Variants in DPH5 observed in about 807,000 individuals in gnomAD.
DPH5 encodes the protein diphthamide biosynthesis 5.
DPH5 carries 31 observed loss-of-function variants against 31.6 expected under a neutral mutation model. The observed-to-expected ratio is 0.98, with a 90% CI of 0.74 to 1.32. The LOEUF is 1.32. Ranked by LOEUF, DPH5 falls within the 40% of genes most tolerant of loss-of-function variation. The pLI is 0.00. For missense variants in DPH5, 309 were observed against 335.7 expected (o/e 0.92, Z 0.62); for synonymous variants, 120 against 115.0 (o/e 1.04, Z -0.28).
At chr1:101,005,256 A>G (rs1659149229) in intron 4 of DPH5, among the ~76,000 whole-genome samples, 1 of 152,250 alleles carries the variant, frequency 6.6e-6, no homozygotes, top group Non-Finnish European at 1.5e-5. Context: ...TAAGAACTCT[A>G]TTAAGCCCTG....
intron 4 of DPH5, among the ~76,000 whole-genome samples, chr1:101,009,792 A>C (rs1356361386): frequency 6.6e-6 from 1 of 152,052 alleles, no homozygotes; most frequent in East Asian, 1.9e-4. Flanking sequence ...ATGAGAGCCT[A>C]GTGATACAGC....
chr1:100,993,559 A>AATATAAATAT (rs1553247258), intron 6 of DPH5, among the ~76,000 whole-genome samples: 3 of 56,546 alleles, frequency 5.3e-5, no homozygotes, highest in Non-Finnish European at 6.9e-5. Context: ...CGAAAATATA[A>AATATAAATAT]ATATATATAT....
At chr1:101,011,899 T>TA (rs1048598794) in intron 4 of DPH5, among the ~76,000 whole-genome samples, 2 of 146,870 alleles carry the variant, frequency 1.4e-5, no homozygotes, top group African/African-American at 5.0e-5. Flanking sequence ...TCAATTCTTT[T>TA]TTTTTTTTTT....
intron 7 of DPH5, 34 bp from the exon 8 acceptor site, chr1:100,990,665 A>C: frequency 1.3e-6 from 2 of 1,591,602 alleles, no homozygotes; most frequent in South Asian, 1.1e-5. Context: ...TATTCAATTC[A>C]GCAAATGCAT....
intron 5 of DPH5, among the ~76,000 whole-genome samples, chr1:100,996,773 C>T (rs1274198291): frequency 6.6e-6 from 1 of 152,176 alleles, no homozygotes; most frequent in Non-Finnish European, 1.5e-5. Flanking sequence ...TTTTATTAAC[C>T]TCTAATTATA....
chr1:100,990,171 T>G lies in DPH5; in HGVS notation c.*237A>C. ...GCACCTCTTCACAGGGCGGCAAGAGTGAGAATGAGAGCCAGTAGGGGAAAT... is the reference window on the plus strand; with the variant it reads ...GCACCTCTTCACAGGGCGGCAAGAGGGAGAATGAGAGCCAGTAGGGGAAAT... On this transcript the variant is annotated 3_prime_UTR_variant, in exon 8 of 8. Coordinates refer to ENST00000370109, the MANE Select transcript of DPH5 (RefSeq NM_015958.3). The G allele has an allele frequency of 2.0e-6, 1 of 497,382 alleles. No homozygotes were observed. Among genetic ancestry groups the G allele is most frequent in the Non-Finnish European group, 3.6e-6 (1 of 277,774 alleles). The allele number at this position is 497,382 out of a possible 1,614,324, so 30.8% of individuals were successfully genotyped here.
chr1:100,990,159 G>A lies in DPH5; in HGVS notation c.*249C>T. The A allele has an allele frequency of 4.2e-6, 2 of 480,648 alleles. No homozygotes were observed. Among genetic ancestry groups the A allele is most frequent in the Non-Finnish European group, 7.5e-6 (2 of 266,384 alleles). 29.8% of individuals were successfully genotyped at this position (480,648 alleles called of 1,614,324 possible). ...TCACGGTGGAAGGCACCTCTTCACA[G>A]GGCGGCAAGAGTGAGAATGAGAGCC... is the stretch of plus-strand genomic sequence containing the variant. On this transcript the variant is annotated 3_prime_UTR_variant, in exon 8 of 8. Transcript: ENST00000370109.
chr1:101,021,629 G>A lies in DPH5; in HGVS notation c.260+12C>T. The stretch of plus-strand genomic sequence containing the variant: ...AATGAGTTAAAAACTCAAAATATCT[G>A]CCTTGACTTACCCAAATGGATCACC... On this transcript the variant is annotated intron_variant, in intron 3 of 7. Transcript: ENST00000370109. The A allele has an allele frequency of 6.2e-7, 1 of 1,607,470 alleles. No homozygotes were observed. Among genetic ancestry groups the A allele is most frequent in the African/African-American group, 1.3e-5 (1 of 74,668 alleles).
chr1:101,012,740 T>G (rs967051841), intron 4 of DPH5, among the ~76,000 whole-genome samples: 160 of 152,290 alleles, frequency 1.1e-3, no homozygotes, highest in African/African-American at 3.7e-3. Context: ...GTGAATACTG[T>G]CAGGTCAGGT....
chr1:101,012,363 G>T (rs1570690350), intron 4 of DPH5, among the ~76,000 whole-genome samples: 1 of 152,188 alleles, frequency 6.6e-6, no homozygotes, highest in Non-Finnish European at 1.5e-5. Flanking sequence ...GGATGAGGAA[G>T]GGGCTTTACT....
intron 5 of DPH5, among the ~76,000 whole-genome samples, chr1:101,000,395 G>A (rs1339610490): frequency 2.6e-5 from 4 of 152,118 alleles, no homozygotes; most frequent in Non-Finnish European, 5.9e-5. Flanking sequence ...GTAAGAATAT[G>A]TACAAAATTT....
chr1:100,992,826 T>G, intron 6 of DPH5, 86 bp from the exon 7 acceptor site: 1 of 849,230 alleles, frequency 1.2e-6, no homozygotes, highest in South Asian at 1.6e-5. Context: ...CCAGGTATAC[T>G]CAAGTACCAC....
At chr1:101,010,660 A>T (rs1659557926) in intron 4 of DPH5, among the ~76,000 whole-genome samples, 1 of 152,166 alleles carries the variant, frequency 6.6e-6, no homozygotes, top group Non-Finnish European at 1.5e-5. Context: ...TTTTGAACTC[A>T]TGGAAAGCTC....
intron 3 of DPH5, among the ~76,000 whole-genome samples, chr1:101,019,456 T>C (rs1570705591): frequency 6.6e-6 from 1 of 152,196 alleles, no homozygotes; most frequent in East Asian, 1.9e-4. Context: ...CATGTGTCAT[T>C]TTACCATTTT....
intron 7 of DPH5, 62 bp downstream of exon 7, chr1:100,992,575 T>C (rs1256096484): frequency 2.5e-6 from 3 of 1,187,688 alleles, no homozygotes; most frequent in Non-Finnish European, 3.8e-6. Flanking sequence ...TATTAAGTCA[T>C]ATACACATCT....
Position 101,025,773 on chromosome 1 carries a change from T to C in DPH5, c.-114A>G, listed in dbSNP as rs1224460584. The C allele has an allele frequency of 3.7e-6, 1 of 272,170 alleles. No homozygotes were observed. Among genetic ancestry groups the C allele is most frequent in the Non-Finnish European group, 7.1e-6 (1 of 141,522 alleles). The allele number at this position is 272,170 out of a possible 1,614,324, so 16.9% of individuals were successfully genotyped here. On this transcript the variant is annotated 5_prime_UTR_variant, in exon 1 of 8. Coordinates refer to ENST00000370109, the MANE Select transcript of DPH5 (RefSeq NM_015958.3). Reference sequence around the variant, plus strand: ...AGCAACTGCAAAAGCGCCGGCTCCGTGCAGAGAAAAGGCCCACGCCGCCGG... The same window carrying C: ...AGCAACTGCAAAAGCGCCGGCTCCGCGCAGAGAAAAGGCCCACGCCGCCGG...
chr1:101,009,541 A>C (rs1260115814), intron 4 of DPH5, among the ~76,000 whole-genome samples: 1 of 152,152 alleles, frequency 6.6e-6, no homozygotes, highest in Non-Finnish European at 1.5e-5. Context: ...TTACAAGTTC[A>C]CTTTCTAAAT....
chr1:101,013,769 G>T lies in DPH5; in HGVS notation c.310C>A (p.Pro104Thr), dbSNP rs775736408. 3.6e-5 allele frequency: 58 copies of T among 1,613,068 alleles called. No individual in the cohort carries two copies. The Middle Eastern group carries it at 4.9e-4, about 14-fold the overall frequency. ...GAGGCATTGTGAATAACTCTATAAGGAATTCCCAGCTTTGTTGCTCTTAGA... is the reference window on the plus strand; with the variant it reads ...GAGGCATTGTGAATAACTCTATAAGTAATTCCCAGCTTTGTTGCTCTTAGA... ...LVLRATKLGI[P>T]YRVIHNASIM... The change falls in exon 4 of 8, where the codon CCT (proline) becomes ACT (threonine). Residue 104 changes from proline (P) to threonine (T), a missense_variant. Pro to Thr is a conservative substitution (Grantham distance 38). Coordinates refer to ENST00000370109, the MANE Select transcript of DPH5 (RefSeq NM_015958.3).
chr1:101,008,846 T>A (rs1225904445), intron 4 of DPH5, among the ~76,000 whole-genome samples: 1 of 152,228 alleles, frequency 6.6e-6, no homozygotes, highest in Non-Finnish European at 1.5e-5. Context: ...TCCAAGCATA[T>A]GATTCAATGC....
Sources: gnomAD v4.1 joint callset for allele counts (sites outside exome capture counted in the v4.1 genomes callset) on GRCh38, gnomAD v4.1.1 for gene constraint, MANE v1.5 for transcripts, NCBI Gene and HGNC (gene_info 2026-07-23, HGNC 2026-07-21) for gene names.